Variants in DAB2IP observed in about 807,000 individuals in gnomAD.
DAB2IP encodes the protein DAB2 interacting protein.
In DAB2IP, 28 loss-of-function variants were observed where a neutral mutation model predicts 107.2. That is an observed-to-expected ratio of 0.26 (90% CI 0.19 to 0.36). The LOEUF (loss-of-function observed/expected upper bound fraction) is 0.36. Ranked by LOEUF, DAB2IP falls within the 10% of genes least tolerant of loss-of-function variation. The pLI is 1.00. For synonymous variants in DAB2IP, 755 were observed against 706.4 expected, an observed-to-expected ratio of 1.07 and a Z score of -1.09; for missense variants, 1,400 against 1,644.7, an observed-to-expected ratio of 0.85 and a Z score of 2.57.
chr9:121,600,448 G>C (rs960101988), intron 1 of DAB2IP, among the ~76,000 whole-genome samples: 3 of 152,160 alleles, frequency 2.0e-5, no homozygotes. Flanking sequence ...GCTCAGCCTG[G>C]TGGGAATGAC....
chr9:121,596,513 T>C (rs1830534341), intron 1 of DAB2IP, among the ~76,000 whole-genome samples: 1 of 152,130 alleles, frequency 6.6e-6, no homozygotes, highest in Non-Finnish European at 1.5e-5. Context: ...AGCCTCTGTC[T>C]CAAAACAAAA....
At position 121,754,821 on chromosome 9, in the gene DAB2IP, TCTC is replaced by T. The variant is rs1833364447; in HGVS notation, c.363-2188_363-2186del. Among the ~76,000 whole-genome samples the T allele has an allele frequency of 2.0e-5, 3 of 152,152 alleles. No individual in the cohort carries two copies. The South Asian group carries it at 6.2e-4, about 32-fold the overall frequency. On this transcript the variant is annotated intron_variant, in intron 3 of 15. Transcript: ENST00000408936. ...CCAGCCTGCTGAAGCATGCCTCGCC[TCTC>T]CTCTCCACAGCCAGCTCATTCATGC...
chr9:121,619,101 C>T (rs1344857908), intron 1 of DAB2IP, among the ~76,000 whole-genome samples: 1 of 152,062 alleles, frequency 6.6e-6, no homozygotes, highest in Non-Finnish European at 1.5e-5. Context: ...GAAGGTGTGG[C>T]TCTTGGCACT....
chr9:121,771,126 A>C (rs1246396562), intron 11 of DAB2IP, among the ~76,000 whole-genome samples: 1 of 152,090 alleles, frequency 6.6e-6, no homozygotes, highest in African/African-American at 2.4e-5. Context: ...GAATCTCCAG[A>C]AGTGTTTAGT....
chr9:121,766,336 C>G (rs977136677), intron 8 of DAB2IP, among the ~76,000 whole-genome samples, 158 bp from the exon 9 acceptor site: 2 of 152,244 alleles, frequency 1.3e-5, no homozygotes, highest in East Asian at 1.9e-4. Flanking sequence ...ATTGACTGCT[C>G]TCCCCAGATG....
At chr9:121,654,091 T>C (rs1589457952) in intron 1 of DAB2IP, among the ~76,000 whole-genome samples, 1 of 152,176 alleles carries the variant, frequency 6.6e-6, no homozygotes, top group South Asian at 2.1e-4. Flanking sequence ...GTGTGGTCAA[T>C]GGGGCTAGCA....
Position 121,705,137 on chromosome 9 carries a change from C to T in DAB2IP, c.362+5679C>T, listed in dbSNP as rs562431939. ...CTTGTGTACCTTCCCAAGATCTGAG[C>T]TGGGCAATGTTTTTAGGAACGGTGG... On this transcript the variant is annotated intron_variant, in intron 3 of 15. Transcript: ENST00000408936. Among the ~76,000 whole-genome samples, 5 of 152,308 alleles carry T rather than the reference C, an allele frequency of 3.3e-5. No individual in the cohort carries two copies. In the East Asian group the frequency reaches 7.7e-4, roughly 24 times the overall value.
At position 121,772,895 on chromosome 9, in the gene DAB2IP, A is replaced by G. The variant is rs1163227047; in HGVS notation, c.2367A>G (p.Ala789=). 1 of 1,573,278 alleles carries G rather than the reference A, an allele frequency of 6.4e-7. No homozygotes were observed. Among genetic ancestry groups the G allele is most frequent in the Non-Finnish European group, 8.6e-7 (1 of 1,163,728 alleles). The change falls in exon 12 of 16, where the codon GCA becomes GCG. Residue 789 remains alanine, a synonymous_variant. Coordinates refer to ENST00000408936, the Ensembl canonical transcript of DAB2IP. This position sits in a 1 kb window ranked among gnomAD's most constrained non-coding sequence, Gnocchi z 4.7. ...TGGTGGCCGGGTGGCCGGCCCGGGC[A>G]ACCCCAGTGAACCTGGCAGGGCTGG...
chr9:121,725,565 A>C (rs960479258), intron 3 of DAB2IP, among the ~76,000 whole-genome samples: 1 of 152,200 alleles, frequency 6.6e-6, no homozygotes, highest in Admixed American at 6.5e-5. Context: ...CTCTGCCCTC[A>C]AGGGCTCCTG....
chr9:121,747,769 C>T (rs533420213), intron 3 of DAB2IP, among the ~76,000 whole-genome samples: 3 of 151,510 alleles, frequency 2.0e-5, no homozygotes, highest in South Asian at 2.1e-4. Context: ...ATTAAAAACC[C>T]GAAATTATTC....
At chr9:121,606,464 C>T (rs1830875205) in intron 1 of DAB2IP, among the ~76,000 whole-genome samples, 1 of 152,176 alleles carries the variant, frequency 6.6e-6, no homozygotes, top group South Asian at 2.1e-4. Context: ...TCCCAGTCCC[C>T]CTGTGACTTT....
At chr9:121,727,296 G>A (rs1196319489) in intron 3 of DAB2IP, among the ~76,000 whole-genome samples, 2 of 152,254 alleles carry the variant, frequency 1.3e-5, no homozygotes, top group Non-Finnish European at 2.9e-5. Flanking sequence ...GCCTCTAGCA[G>A]GTGACTTGCT....
chr9:121,660,263 T>C (rs980314416), intron 1 of DAB2IP, among the ~76,000 whole-genome samples: 11 of 152,188 alleles, frequency 7.2e-5, no homozygotes, highest in Non-Finnish European at 1.3e-4. Flanking sequence ...CAGGTGGTGT[T>C]ATCAGCTCCA....
chr9:121,642,367 A>G lies in DAB2IP; in HGVS notation c.41-36311A>G, dbSNP rs192016270. 8.9e-3 allele frequency among the ~76,000 whole-genome samples: 1,355 copies of G among 151,650 alleles called. 8 individuals carry two copies. Among genetic ancestry groups the G allele is most frequent in the Non-Finnish European group, 0.015 (1,028 of 67,882 alleles). On this transcript the variant is annotated intron_variant, in intron 1 of 16. Coordinates refer to the DAB2IP transcript ENST00000259371. ...GCAATTCTCGTGTGTCGGCTTCCAG[A>G]TGGGATTTCACCATTGCTGGCCAGG...
upstream of DAB2IP, among the ~76,000 whole-genome samples, chr9:121,646,717 A>C (rs1000200883): frequency 6.6e-6 from 1 of 152,058 alleles, no homozygotes; most frequent in Non-Finnish European, 1.5e-5. Flanking sequence ...TTCCCCTGTC[A>C]GGACTCCTGT....
At chr9:121,621,879 T>C (rs1831480270) in intron 1 of DAB2IP, among the ~76,000 whole-genome samples, 1 of 151,246 alleles carries the variant, frequency 6.6e-6, no homozygotes, top group Non-Finnish European at 1.5e-5. Context: ...GGTCTCGAAC[T>C]CCTGACCTCA....
intron 1 of DAB2IP, among the ~76,000 whole-genome samples, chr9:121,657,906 T>G (rs1229740827): frequency 2.0e-5 from 3 of 152,182 alleles, no homozygotes; most frequent in Non-Finnish European, 4.4e-5. Context: ...CCTTGACAAC[T>G]GGGGAAACTG....
At chr9:121,619,725 G>T (rs1048537893) in intron 1 of DAB2IP, among the ~76,000 whole-genome samples, 1 of 152,154 alleles carries the variant, frequency 6.6e-6, no homozygotes, top group African/African-American at 2.4e-5. Flanking sequence ...TTCCGGGAGC[G>T]CTTGTAAACC....
At position 121,772,585 on chromosome 9, in the gene DAB2IP, G is replaced by A. The variant is rs777037273; in HGVS notation, c.2079-22G>A. 4 of 1,596,592 alleles carry A rather than the reference G, an allele frequency of 2.5e-6. No individual in the cohort carries two copies. The highest frequency in any genetic ancestry group is 2.7e-5 in the African/African-American group (2 of 74,670). ...GTTCTTCTTTTCCCCTTCTTTCCCT[G>A]TGTGTGCTTGTCTCCCTGCAGTCTG... On this transcript the variant is annotated intron_variant, in intron 11 of 15. Coordinates refer to ENST00000408936, the Ensembl canonical transcript of DAB2IP. The surrounding 1 kb of genome is among the most constrained non-coding windows in gnomAD (Gnocchi z 4.7).
Sources: allele counts gnomAD v4.1 joint callset (sites outside exome capture counted in the v4.1 genomes callset), GRCh38; gene constraint gnomAD v4.1.1; non-coding constraint Gnocchi (gnomAD v3.1); transcripts MANE v1.5; gene names NCBI Gene and HGNC (gene_info 2026-07-23, HGNC 2026-07-21).